Variants in OR51E1 observed in about 807,000 individuals in gnomAD.
The protein encoded by OR51E1 is olfactory receptor 51E1.
OR51E1 carries 9 observed loss-of-function variants against 11.5 expected under a neutral mutation model. That is an observed-to-expected ratio of 0.78 (90% CI 0.47 to 1.37). The LOEUF (loss-of-function observed/expected upper bound fraction) is 1.37, where lower values mean the gene tolerates loss of function less well. Ranked by LOEUF, OR51E1 falls within the 40% of genes most tolerant of loss-of-function variation. OR51E1 has a pLI of 0.00. For missense variants in OR51E1, 397 were observed against 410.2 expected, an observed-to-expected ratio of 0.97 and a Z score of 0.28; for synonymous variants, 168 against 158.3, an observed-to-expected ratio of 1.06 and a Z score of -0.46.
intron 1 of OR51E1, among the ~76,000 whole-genome samples, chr11:4,647,999 C>G (rs554715639): frequency 6.6e-6 from 1 of 152,298 alleles, no homozygotes; most frequent in Admixed American, 6.5e-5. Flanking sequence ...CATCTGGTCA[C>G]TCTGCCTGTC....
intron 1 of OR51E1, among the ~76,000 whole-genome samples, chr11:4,646,672 G>A (rs1251718071): frequency 1.3e-5 from 2 of 152,174 alleles, no homozygotes; most frequent in Non-Finnish European, 2.9e-5. Flanking sequence ...GAAAGAGGAG[G>A]TGAGTGTCCC....
chr11:4,648,053 A>G (rs138899230), intron 1 of OR51E1, among the ~76,000 whole-genome samples: 1 of 152,134 alleles, frequency 6.6e-6, no homozygotes, highest in South Asian at 2.1e-4. Context: ...AGGGCTGGCC[A>G]GTCTGAACGG....
intron 1 of OR51E1, among the ~76,000 whole-genome samples, chr11:4,644,475 T>A (rs1266714494): frequency 1.3e-5 from 2 of 151,752 alleles, no homozygotes; most frequent in Non-Finnish European, 2.9e-5. Flanking sequence ...GGGCTCTGAG[T>A]GAGGTTGGTT....
intron 1 of OR51E1, among the ~76,000 whole-genome samples, chr11:4,646,645 C>T (rs889953860): frequency 1.3e-5 from 2 of 152,142 alleles, no homozygotes; most frequent in African/African-American, 4.8e-5. Flanking sequence ...CACCTCACAG[C>T]CTTTGGAGTT....
At chr11:4,647,467 T>C (rs1479911603) in intron 1 of OR51E1, among the ~76,000 whole-genome samples, 3 of 152,084 alleles carry the variant, frequency 2.0e-5, no homozygotes. Context: ...ACTTGGGCCC[T>C]CTGGCTGGCT....
chr11:4,651,203 A>G (rs1456052581), intron 1 of OR51E1, among the ~76,000 whole-genome samples: 2 of 152,224 alleles, frequency 1.3e-5, no homozygotes, highest in African/African-American at 4.8e-5. Context: ...TTATGCCTCC[A>G]GTGCTTCTAA....
At chr11:4,647,420 T>A (rs1266656916) in intron 1 of OR51E1, among the ~76,000 whole-genome samples, 1 of 152,088 alleles carries the variant, frequency 6.6e-6, no homozygotes, top group African/African-American at 2.4e-5. Flanking sequence ...CTATGGAACA[T>A]TGGGATGCTT....
In OR51E1 at chr11:4,652,537, A is replaced by G; in HGVS notation, c.11A>G (p.Asp4Gly). Residue 4 changes from aspartate to glycine, a missense_variant, in exon 2 of 2, where the codon GAT (aspartate) becomes GGT (glycine). Coordinates refer to ENST00000396952, the MANE Select transcript of OR51E1 (RefSeq NM_152430.4). MMV[D>G]PNGNESSATY... ...CAGTTCAGCTTCTTCATGATGGTGGATCCCAATGGCAATGAATCCAGTGCT... is the reference window on the plus strand; with the variant it reads ...CAGTTCAGCTTCTTCATGATGGTGGGTCCCAATGGCAATGAATCCAGTGCT... 1 of 1,611,426 alleles carries G rather than the reference A, an allele frequency of 6.2e-7. No homozygotes were observed. Among genetic ancestry groups the G allele is most frequent in the Non-Finnish European group, 8.5e-7 (1 of 1,178,026 alleles).
chr11:4,653,172 C>G lies in OR51E1; in HGVS notation c.646C>G (p.Leu216Val), dbSNP rs761569511. The change falls in exon 2 of 2, where the codon CTC becomes GTC. Residue 216 changes from leucine to valine, a missense_variant. Transcript: ENST00000396952. ...CTCCGCCATTGGCCTGGACTCACTT[C>G]TCATCTCCTTCTCATATCTGCTTAT... ...IISAIGLDSLLISFSYLLILK... is the reference protein window; with the variant it reads ...IISAIGLDSLVISFSYLLILK... 11 of 1,613,850 alleles carry G rather than the reference C, an allele frequency of 6.8e-6. No individual in the cohort carries two copies. The African/African-American group carries it at 9.3e-5, about 14-fold the overall frequency.
chr11:4,649,902 A>G (rs1183318154), intron 1 of OR51E1, among the ~76,000 whole-genome samples: 1 of 152,206 alleles, frequency 6.6e-6, no homozygotes, highest in African/African-American at 2.4e-5. Flanking sequence ...AATCATTTTA[A>G]TGATGAGGAT....
chr11:4,651,359 G>A (rs1015945939), intron 1 of OR51E1, among the ~76,000 whole-genome samples: 3 of 152,198 alleles, frequency 2.0e-5, no homozygotes, highest in Admixed American at 6.5e-5. Flanking sequence ...AGAAGAAGGA[G>A]GGAATCCTGG....
At chr11:4,644,429 A>G (rs1014976072) in intron 1 of OR51E1, among the ~76,000 whole-genome samples, 2 of 151,932 alleles carry the variant, frequency 1.3e-5, no homozygotes, top group African/African-American at 4.8e-5. Flanking sequence ...AGCTCAGTCT[A>G]TGACTGGGGA....
rs568235220 is a variant in OR51E1 at position 4,648,522 on chromosome 11, G to A, written c.-39-3966G>A. On this transcript the variant is annotated intron_variant, in intron 1 of 1. Transcript: ENST00000396952. ...TATTATTATTCACTGCATTTATTTAGCGCCAAGACTTGTGTTCTAAGCCCC... is the reference window on the plus strand; with the variant it reads ...TATTATTATTCACTGCATTTATTTAACGCCAAGACTTGTGTTCTAAGCCCC... Among the ~76,000 whole-genome samples the A allele has an allele frequency of 2.8e-4, 43 of 152,240 alleles. No homozygotes were observed. In the South Asian group the frequency reaches 5.8e-3, roughly 21 times the overall value.
At position 4,654,404 on chromosome 11, in the gene OR51E1, A is replaced by T. The variant is rs1564878364; in HGVS notation, c.*921A>T. The T allele has an allele frequency of 6.0e-6, 1 of 167,086 alleles. No homozygotes were observed. Among genetic ancestry groups the T allele is most frequent in the Non-Finnish European group, 1.5e-5 (1 of 68,110 alleles). 10.4% of individuals were successfully genotyped at this position (167,086 alleles called of 1,614,324 possible). On this transcript the variant is annotated 3_prime_UTR_variant, in exon 2 of 2. Coordinates refer to ENST00000396952, the MANE Select transcript of OR51E1 (RefSeq NM_152430.4). ...CAACAGAACTCATGGCTTTAATCCC[A>T]CTAGCTATTGCTTATTGTCCTGGTC...
At chr11:4,646,770 C>T (rs1418134968) in intron 1 of OR51E1, among the ~76,000 whole-genome samples, 2 of 152,120 alleles carry the variant, frequency 1.3e-5, no homozygotes, top group African/African-American at 4.8e-5. Context: ...CTTACCAAGC[C>T]CTTCTTATAC....
chr11:4,648,469 A>G (rs977702416), intron 1 of OR51E1, among the ~76,000 whole-genome samples: 1 of 152,206 alleles, frequency 6.6e-6, no homozygotes, highest in Non-Finnish European at 1.5e-5. Flanking sequence ...GCCTTATCTC[A>G]TACAATTTCA....
At position 4,652,812 on chromosome 11, in the gene OR51E1, C is replaced by A. The variant is rs1211432093; in HGVS notation, c.286C>A (p.Gln96Lys). The A allele has an allele frequency of 6.2e-7, 1 of 1,614,068 alleles. No individual in the cohort carries two copies. Among genetic ancestry groups the A allele is most frequent in the Non-Finnish European group, 8.5e-7 (1 of 1,180,040 alleles). The change falls in exon 2 of 2, where the codon CAG becomes AAG. Residue 96 changes from glutamine to lysine, a missense_variant. By Grantham distance (53) the Gln-to-Lys change is moderately conservative. Coordinates refer to ENST00000396952, the MANE Select transcript of OR51E1 (RefSeq NM_152430.4). The part of the protein sequence containing the change: ...AIFWFNSTTI[Q>K]FDACLLQMFA... ...CTTCTGGTTCAATTCCACTACCATCCAGTTTGATGCTTGTCTGCTACAGAT... is the reference window on the plus strand; with the variant it reads ...CTTCTGGTTCAATTCCACTACCATCAAGTTTGATGCTTGTCTGCTACAGAT...
Position 4,654,289 on chromosome 11 carries a change from T to C in OR51E1, c.*806T>C, listed in dbSNP as rs1396121351. 1 of 167,052 alleles carries C rather than the reference T, an allele frequency of 6.0e-6. No homozygotes were observed. Among genetic ancestry groups the C allele is most frequent in the Non-Finnish European group, 1.5e-5 (1 of 68,110 alleles). The allele number at this position is 167,052 out of a possible 1,614,324, so 10.3% of individuals were successfully genotyped here. On this transcript the variant is annotated 3_prime_UTR_variant, in exon 2 of 2. Transcript: ENST00000396952. ...ACTGTTAGAGAGACCAACAGGGTAG[T>C]GGGTTAGAGATTTCCAGAGTCTTAC...
At chr11:4,646,379 C>T (rs547524480) in intron 1 of OR51E1, among the ~76,000 whole-genome samples, 1 of 152,236 alleles carries the variant, frequency 6.6e-6, no homozygotes, top group Admixed American at 6.5e-5. Flanking sequence ...TGTTGGATTC[C>T]TGAGAGATTA....
Sources: gnomAD v4.1 joint callset for allele counts (sites outside exome capture counted in the v4.1 genomes callset) on GRCh38, gnomAD v4.1.1 for gene constraint, MANE v1.5 for transcripts, NCBI Gene and HGNC (gene_info 2026-07-23, HGNC 2026-07-21) for gene names.